Variants in SNX29 observed in about 807,000 individuals in gnomAD.
SNX29 encodes the protein sorting nexin 29.
In SNX29, 78 loss-of-function variants were observed where a neutral mutation model predicts 102.1. That is an observed-to-expected ratio of 0.76 (90% CI 0.64 to 0.92). The LOEUF (loss-of-function observed/expected upper bound fraction) is 0.92. SNX29 is among the 40% of genes least tolerant of loss of function. SNX29 has a pLI of 0.00. For synonymous variants in SNX29, 580 were observed against 414.5 expected (o/e 1.40, Z -4.85); for missense variants, 1,280 against 1,061.7 (o/e 1.21, Z -2.86).
At chr16:12,227,072 G>A (rs1056929104) in intron 14 of SNX29, among the ~76,000 whole-genome samples, 21 of 152,204 alleles carry the variant, frequency 1.4e-4, no homozygotes, top group African/African-American at 5.1e-4. Flanking sequence ...GTAGGATGAG[G>A]CTGGAGACTC....
chr16:12,535,793 C>T (rs894302035), intron 20 of SNX29, among the ~76,000 whole-genome samples: 23 of 151,984 alleles, frequency 1.5e-4, no homozygotes, highest in East Asian at 3.9e-4. Context: ...GTATAGAGGC[C>T]GCAGCCACTG....
At chr16:12,461,446 G>C (rs1440259500) in intron 18 of SNX29, among the ~76,000 whole-genome samples, 2 of 152,158 alleles carry the variant, frequency 1.3e-5, no homozygotes, top group African/African-American at 4.8e-5. Flanking sequence ...AGTTCTAACC[G>C]CAGCCCTTCA....
At position 12,086,377 on chromosome 16, in the gene SNX29, T is replaced by A. The variant is rs116388297; in HGVS notation, c.1402+7462T>A. ...CCAGCCAGGGCAAGCAGCAGTGGAC[T>A]AGTCATATGTAGGCATCCAGGTCTG... On this transcript the variant is annotated intron_variant, in intron 11 of 20. Transcript: ENST00000566228. Among the ~76,000 whole-genome samples, 1,414 of 152,300 alleles carry A rather than the reference T, an allele frequency of 9.3e-3. 21 individuals carry two copies. Among genetic ancestry groups the A allele is most frequent in the African/African-American group, 0.032 (1,323 of 41,554 alleles).
chr16:12,158,424 T>C (rs1339339501), intron 13 of SNX29, among the ~76,000 whole-genome samples: 1 of 152,168 alleles, frequency 6.6e-6, no homozygotes, highest in African/African-American at 2.4e-5. Context: ...GGTCTCGAAC[T>C]CCTGACCTCA....
intron 13 of SNX29, among the ~76,000 whole-genome samples, chr16:12,131,131 G>T (rs2054449170): frequency 6.6e-6 from 1 of 152,252 alleles, no homozygotes; most frequent in Admixed American, 6.5e-5. Flanking sequence ...GAGAGGGCCT[G>T]CTGCGACGCA....
intron 8 of SNX29, among the ~76,000 whole-genome samples, chr16:12,060,432 AAAAC>A (rs1305426212): frequency 6.6e-6 from 1 of 152,120 alleles, no homozygotes; most frequent in East Asian, 1.9e-4. Flanking sequence ...TTTTCACAAA[AAAAC>A]AAAACAAAAC....
chr16:12,317,091 G>GT lies in SNX29; in HGVS notation c.1782+39058dup, dbSNP rs1221787943. On this transcript the variant is annotated intron_variant, in intron 15 of 20. Coordinates refer to ENST00000566228, the MANE Select transcript of SNX29 (RefSeq NM_032167.5). The stretch of plus-strand genomic sequence containing the variant: ...AGGTGAGAGGAAATTCGGTTACAGT[G>GT]TTTCTCCCAGAAGTTTTCTCTTTCC... Among the ~76,000 whole-genome samples, 3 of 152,234 alleles carry GT rather than the reference G, an allele frequency of 2.0e-5. No homozygotes were observed. In the East Asian group the frequency reaches 5.8e-4, roughly 29 times the overall value.
chr16:12,175,650 TC>T (rs2076243191), intron 13 of SNX29, among the ~76,000 whole-genome samples: 1 of 111,022 alleles, frequency 9.0e-6, no homozygotes, highest in Admixed American at 9.0e-5. Flanking sequence ...AGACTCCGTC[TC>T]AAAAAAAAAA....
intron 11 of SNX29, among the ~76,000 whole-genome samples, chr16:12,105,548 T>TG (rs768715003): frequency 6.6e-6 from 1 of 151,792 alleles, no homozygotes; most frequent in South Asian, 2.1e-4. Flanking sequence ...AAGTGCATTT[T>TG]GGGAAAAAAA....
intron 8 of SNX29, chr16:12,052,757 C>T (rs867780270): frequency 6.0e-6 from 1 of 165,500 alleles, no homozygotes; most frequent in Non-Finnish European, 1.3e-5. Flanking sequence ...CCTTGAAATT[C>T]TTGCTTTATA....
Position 12,027,430 on chromosome 16 carries a change from G to C in SNX29, c.233G>C (p.Ser78Thr). Residue 78 changes from serine to threonine, a missense_variant, in exon 4 of 21, where the codon AGC (serine) becomes ACC (threonine). Physicochemically the swap from Ser to Thr is moderately conservative, Grantham distance 58. Transcript: ENST00000566228. ...ATCAAGCAGGCAGCGGGCTTTGCCAGCAAAACCGAAACAGGTACTGCTCTG... is the reference window on the plus strand; with the variant it reads ...ATCAAGCAGGCAGCGGGCTTTGCCACCAAAACCGAAACAGGTACTGCTCTG... ...AAIKQAAGFASKTETEPVFWY... is the reference protein window; with the variant it reads ...AAIKQAAGFATKTETEPVFWY... 6.2e-7 allele frequency: 1 copy of C among 1,613,894 alleles called. No individual in the cohort carries two copies. Among genetic ancestry groups the C allele is most frequent in the Non-Finnish European group, 8.5e-7 (1 of 1,179,922 alleles).
intron 14 of SNX29, among the ~76,000 whole-genome samples, chr16:12,210,605 C>T (rs1164419476): frequency 1.3e-5 from 2 of 152,094 alleles, no homozygotes; most frequent in African/African-American, 4.8e-5. Flanking sequence ...TGGACTCCTC[C>T]ACTGCCGAGC....
intron 11 of SNX29, among the ~76,000 whole-genome samples, chr16:12,113,023 G>A (rs1217939655): frequency 6.6e-6 from 1 of 152,164 alleles, no homozygotes; most frequent in South Asian, 2.1e-4. Flanking sequence ...GATTCCCATT[G>A]TGTTTGTCCA....
In SNX29 at chr16:12,297,508, C is replaced by T. The variant is rs376387203; in HGVS notation, c.1782+19472C>T. Among the ~76,000 whole-genome samples the T allele has an allele frequency of 3.9e-4, 59 of 152,088 alleles. 3 individuals are homozygous for T. The South Asian group carries it at 0.012, about 31-fold the overall frequency. ...CTCTCCTCCTCCGCATCCCTGGCTT[C>T]CTTCCCTTCTCCTGGCCTCTCCTAC... On this transcript the variant is annotated intron_variant, in intron 15 of 20. Coordinates refer to ENST00000566228, the MANE Select transcript of SNX29 (RefSeq NM_032167.5).
At chr16:12,079,010 G>C in intron 11 of SNX29, 95 bp downstream of exon 11, 1 of 1,107,648 alleles carries the variant, frequency 9.0e-7, no homozygotes, top group Non-Finnish European at 1.3e-6. Flanking sequence ...TGTGACTGTG[G>C]GTTCACGTCA....
chr16:12,472,416 A>G (rs926746468), intron 18 of SNX29, among the ~76,000 whole-genome samples: 4 of 151,416 alleles, frequency 2.6e-5, no homozygotes, highest in Non-Finnish European at 4.4e-5. Context: ...CTACTCAGGA[A>G]GCTGAGGCGG....
chr16:11,979,217 G>C (rs1433701750), intron 1 of SNX29, among the ~76,000 whole-genome samples: 1 of 142,568 alleles, frequency 7.0e-6, no homozygotes, highest in Non-Finnish European at 1.5e-5. Flanking sequence ...GGACATTGCA[G>C]TGAGCGGTGA....
chr16:12,539,473 G>A (rs1003892115), intron 20 of SNX29, among the ~76,000 whole-genome samples: 1 of 152,158 alleles, frequency 6.6e-6, no homozygotes, highest in African/African-American at 2.4e-5. Context: ...ATATACCACG[G>A]TTTATCTAGT....
In SNX29 at chr16:12,047,442, C is replaced by CT. The variant is rs538530128; in HGVS notation, c.500-927dup. Among the ~76,000 whole-genome samples, 4 of 152,168 alleles carry CT rather than the reference C, an allele frequency of 2.6e-5. No homozygotes were observed. The East Asian group carries it at 7.7e-4, about 29-fold the overall frequency. The stretch of plus-strand genomic sequence containing the variant: ...AGAAAAAGAATTTGACCATAATTTC[C>CT]TTTGTAGATCATAAGATGCCAAGTG... On this transcript the variant is annotated intron_variant, in intron 6 of 20. Coordinates refer to ENST00000566228, the MANE Select transcript of SNX29 (RefSeq NM_032167.5).
Sources: gnomAD v4.1 joint callset for allele counts (sites outside exome capture counted in the v4.1 genomes callset) on GRCh38, gnomAD v4.1.1 for gene constraint, MANE v1.5 for transcripts, NCBI Gene and HGNC (gene_info 2026-07-23, HGNC 2026-07-21) for gene names.